DISP1: variants seen among roughly 807,000 people sequenced by gnomAD.
DISP1 encodes the protein protein dispatched homolog 1.
A neutral mutation model predicts 37.3 loss-of-function variants in DISP1; 30 were observed. That is an observed-to-expected ratio of 0.80 (90% CI 0.60 to 1.09). The LOEUF (loss-of-function observed/expected upper bound fraction) is 1.09, where lower values mean the gene tolerates loss of function less well. Among genes scored for constraint, DISP1 ranks in the 50% least tolerant of loss-of-function variants. DISP1 has a pLI of 0.00. For missense variants in DISP1, 1,598 were observed against 1,879.5 expected (o/e 0.85, Z 2.77); for synonymous variants, 634 against 690.2 (o/e 0.92, Z 1.28).
At chr1:222,821,640 C>G (rs1662957328) in intron 1 of DISP1, among the ~76,000 whole-genome samples, 1 of 152,068 alleles carries the variant, frequency 6.6e-6, no homozygotes, top group Non-Finnish European at 1.5e-5. Flanking sequence ...CTTTGGGAGG[C>G]TGAGGTGGGT....
intron 4 of DISP1, among the ~76,000 whole-genome samples, chr1:222,983,512 G>C (rs2102702498): frequency 6.6e-6 from 1 of 152,216 alleles, no homozygotes; most frequent in African/African-American, 2.4e-5. Flanking sequence ...AGCTACTCGG[G>C]AGGCTGAGGC....
intron 3 of DISP1, among the ~76,000 whole-genome samples, chr1:222,952,946 A>G (rs1675337750): frequency 6.6e-6 from 1 of 152,228 alleles, no homozygotes; most frequent in Admixed American, 6.5e-5. Context: ...AGAATCTTCT[A>G]GAGGCCGCAA....
rs998728456 is a variant in DISP1, at chr1:222,991,718, C to G, written c.791+71C>G. ...TGAATGAATTCCTCTTCAAATACTG[C>G]CTAAACAAAAAATTTAAATGTAAAA... On this transcript the variant is annotated intron_variant, in intron 6 of 8. Coordinates refer to ENST00000675850, the MANE Select transcript of DISP1 (RefSeq NM_001377229.1). 5.7e-5 allele frequency: 85 copies of G among 1,491,330 alleles called. 1 individual carries two copies. In the South Asian group the frequency reaches 1.0e-3, roughly 18 times the overall value. The allele number at this position is 1,491,330 out of a possible 1,614,324, so 92.4% of individuals were successfully genotyped here. A position where few individuals can be genotyped will look rare whatever the true frequency, so the allele number is the denominator to read the frequency against.
Position 222,978,946 on chromosome 1 carries a change from C to T in DISP1, c.510-4134C>T, listed in dbSNP as rs529383380. Among the ~76,000 whole-genome samples the T allele has an allele frequency of 4.5e-3, 690 of 152,038 alleles. 4 individuals are homozygous for T. Among genetic ancestry groups the T allele is most frequent in the Non-Finnish European group, 6.6e-3 (450 of 67,958 alleles). ...TAGCCTTGTAGTATAGTTTGAAGTC[C>T]GGTAGCATGATGCCTCCAGCTTTGT... On this transcript the variant is annotated intron_variant, in intron 3 of 8. Transcript: ENST00000675850.
At chr1:222,866,221 C>A (rs1669182091) in intron 1 of DISP1, among the ~76,000 whole-genome samples, 1 of 152,198 alleles carries the variant, frequency 6.6e-6, no homozygotes, top group South Asian at 2.1e-4. Flanking sequence ...CCTTTATCCT[C>A]ACCCTCAGCC....
chr1:222,890,716 A>G (rs190837224), intron 1 of DISP1, among the ~76,000 whole-genome samples: 1 of 152,286 alleles, frequency 6.6e-6, no homozygotes. Flanking sequence ...CTAGAAGTCC[A>G]AGACCAATAT....
At chr1:222,948,400 T>G (rs776897383) in intron 3 of DISP1, among the ~76,000 whole-genome samples, 40 of 152,244 alleles carry the variant, frequency 2.6e-4, no homozygotes, top group Non-Finnish European at 5.1e-4. Context: ...GCAAATGTGC[T>G]CTTCGATAGA....
intron 8 of DISP1, among the ~76,000 whole-genome samples, chr1:223,000,301 C>G (rs906533283): frequency 2.6e-5 from 4 of 152,144 alleles, no homozygotes; most frequent in Non-Finnish European, 5.9e-5. Context: ...TAAGGTAAAA[C>G]TGGTAACCTG....
At chr1:222,995,130 A>G in intron 8 of DISP1, 148 bp downstream of exon 8, 4 of 666,046 alleles carry the variant, frequency 6.0e-6, no homozygotes, top group East Asian at 2.6e-5. Context: ...CCAGCTTTGC[A>G]TTCTTTCAGA....
chr1:222,960,006 C>G (rs1160831086), intron 3 of DISP1, among the ~76,000 whole-genome samples: 1 of 152,114 alleles, frequency 6.6e-6, no homozygotes, highest in African/African-American at 2.4e-5. Context: ...TACAAAGAGA[C>G]TTAGACTCCC....
At chr1:222,842,302 A>G (rs1667655132) in intron 1 of DISP1, among the ~76,000 whole-genome samples, 1 of 143,902 alleles carries the variant, frequency 6.9e-6, no homozygotes, top group Admixed American at 7.0e-5. Context: ...GTTAAATAAA[A>G]CCTGTCATTT....
intron 3 of DISP1, among the ~76,000 whole-genome samples, chr1:222,961,727 G>C (rs960173556): frequency 6.6e-6 from 1 of 152,068 alleles, no homozygotes; most frequent in African/African-American, 2.4e-5. Context: ...CCCCATCATC[G>C]CCAGGCACAG....
At chr1:222,847,144 T>C (rs1667959301) in intron 1 of DISP1, among the ~76,000 whole-genome samples, 1 of 152,230 alleles carries the variant, frequency 6.6e-6, no homozygotes, top group Non-Finnish European at 1.5e-5. Context: ...TCCTTATTTA[T>C]TTTGATGCTC....
At chr1:222,871,224 T>A (rs902678948) in intron 1 of DISP1, among the ~76,000 whole-genome samples, 12 of 152,158 alleles carry the variant, frequency 7.9e-5, no homozygotes, top group African/African-American at 2.9e-4. Context: ...TCCGGTAGCA[T>A]GATGCCTCCA....
intron 1 of DISP1, among the ~76,000 whole-genome samples, chr1:222,850,613 C>A (rs1259720200): frequency 6.6e-6 from 1 of 152,066 alleles, no homozygotes; most frequent in Non-Finnish European, 1.5e-5. Flanking sequence ...ATCAAGTAGA[C>A]CCCAATGTCT....
intron 1 of DISP1, among the ~76,000 whole-genome samples, chr1:222,889,189 C>T (rs1670809191): frequency 6.6e-6 from 1 of 151,898 alleles, no homozygotes; most frequent in African/African-American, 2.4e-5. Context: ...TATTGGGATT[C>T]TTCTGAGGTC....
At chr1:222,910,266 G>C (rs1229213563) in intron 1 of DISP1, among the ~76,000 whole-genome samples, 1 of 152,118 alleles carries the variant, frequency 6.6e-6, no homozygotes, top group African/African-American at 2.4e-5. Flanking sequence ...AAGAGGCTGA[G>C]GTGGAAGAAT....
intron 1 of DISP1, among the ~76,000 whole-genome samples, chr1:222,842,966 C>T (rs926766533): frequency 4.0e-5 from 6 of 151,822 alleles, no homozygotes; most frequent in Admixed American, 1.3e-4. Flanking sequence ...TTAGTTCATT[C>T]GTAGTTAATA....
chr1:223,004,264 G>T lies in DISP1; in HGVS notation c.2867G>T (p.Ser956Ile), dbSNP rs757488321. 9.3e-6 allele frequency: 15 copies of T among 1,614,022 alleles called. No homozygotes were observed. The highest frequency in any genetic ancestry group is 1.3e-5 in the Non-Finnish European group (15 of 1,180,024). The change falls in exon 9 of 9, where the codon AGT becomes ATT. Residue 956 changes from serine to isoleucine, a missense_variant. Ser to Ile is a moderately radical substitution (Grantham distance 142, BLOSUM62 -2). Coordinates refer to ENST00000675850, the MANE Select transcript of DISP1 (RefSeq NM_001377229.1). The surrounding 1 kb of genome is among the most constrained non-coding windows in gnomAD (Gnocchi z 4.9). ...GACTCGTGGATATCCAGTGAGCTGA[G>T]TTCGGCCCCTGAAGGCCTCAGCAAT... ...EVDSWISSEL[S>I]SAPEGLSNGW...
Sources: gnomAD v4.1 joint callset for allele counts (sites outside exome capture counted in the v4.1 genomes callset) on GRCh38, gnomAD v4.1.1 for gene constraint, Gnocchi (gnomAD v3.1) non-coding constraint, MANE v1.5 for transcripts, NCBI Gene and HGNC (gene_info 2026-07-23, HGNC 2026-07-21) for gene names.